The following STAC variants were observed in gnomAD, a reference collection of about 807,000 sequenced individuals.
STAC encodes the protein SH3 and cysteine-rich domain-containing protein.
Under a neutral mutation model 48.8 loss-of-function variants are expected in STAC, and 43 were observed. The observed-to-expected ratio is 0.88, with a 90% CI of 0.69 to 1.14. The LOEUF (loss-of-function observed/expected upper bound fraction) is 1.14. Among genes scored for constraint, STAC ranks in the 50% most tolerant of loss-of-function variants. The probability of loss-of-function intolerance (pLI) is 0.00; values close to 1 mark genes in which losing one functional copy is unlikely to be tolerated. For missense variants in STAC, 497 were observed against 504.0 expected, an observed-to-expected ratio of 0.99 and a Z score of 0.13; for synonymous variants, 193 against 179.5, an observed-to-expected ratio of 1.07 and a Z score of -0.60.
chr3:36,521,801 C>T (rs4678533), intron 8 of STAC, among the ~76,000 whole-genome samples: 63,675 of 152,042 alleles, frequency 0.42, 13,564 homozygotes, highest in Admixed American at 0.5. Context: ...GTGATAAAGA[C>T]TTAACTTTGA....
intron 2 of STAC, among the ~76,000 whole-genome samples, chr3:36,463,006 G>GA (rs561690720): frequency 5.1e-4 from 78 of 151,580 alleles, no homozygotes; most frequent in African/African-American, 1.5e-3. Flanking sequence ...GCATTCCTGG[G>GA]AAAAAAAACC....
intron 1 of STAC, among the ~76,000 whole-genome samples, chr3:36,402,991 A>G (rs997579759): frequency 1.3e-5 from 2 of 152,232 alleles, no homozygotes; most frequent in African/African-American, 4.8e-5. Context: ...CAAACCAAAC[A>G]GCTAACCCAG....
chr3:36,459,569 GTCTC>G (rs1356799378), intron 2 of STAC, among the ~76,000 whole-genome samples: 2 of 152,270 alleles, frequency 1.3e-5, no homozygotes, highest in South Asian at 2.1e-4. Flanking sequence ...CTTAACCATT[GTCTC>G]TCTTTTAATG....
Position 36,546,493 on chromosome 3 carries a change from G to C in STAC, c.*204G>C. 1 of 576,036 alleles carries C rather than the reference G, an allele frequency of 1.7e-6. No individual in the cohort carries two copies. The highest frequency in any genetic ancestry group is 3.1e-6 in the Non-Finnish European group (1 of 324,298). The allele number at this position is 576,036 out of a possible 1,614,324, so 35.7% of individuals were successfully genotyped here. On this transcript the variant is annotated 3_prime_UTR_variant, in exon 11 of 11. Transcript: ENST00000273183. ...CAGCATATCCAGGCTGCCACAGGTG[G>C]GGACGAGGCTGAGAGAGTCAGCAGG...
chr3:36,447,396 A>G (rs1696537931), intron 2 of STAC, among the ~76,000 whole-genome samples: 3 of 152,046 alleles, frequency 2.0e-5, no homozygotes, highest in Admixed American at 2.0e-4. Flanking sequence ...AGTATAAAAC[A>G]CTCCCCACTA....
At chr3:36,458,515 G>T (rs1033371694) in intron 2 of STAC, among the ~76,000 whole-genome samples, 5 of 152,124 alleles carry the variant, frequency 3.3e-5, no homozygotes, top group African/African-American at 1.2e-4. Context: ...TTCCCAGCGT[G>T]GTGTGACAAG....
chr3:36,391,798 T>C (rs1380787277), intron 1 of STAC, among the ~76,000 whole-genome samples: 19 of 152,208 alleles, frequency 1.2e-4, no homozygotes, highest in Admixed American at 1.2e-3. Context: ...ATGAAACATA[T>C]ACCTGTTGCC....
Position 36,414,991 on chromosome 3 carries a change from C to T in STAC, c.112-28373C>T, listed in dbSNP as rs181279324. Among the ~76,000 whole-genome samples, 40 of 152,326 alleles carry T rather than the reference C, an allele frequency of 2.6e-4. No individual in the cohort carries two copies. The East Asian group carries it at 7.3e-3, about 28-fold the overall frequency. On this transcript the variant is annotated intron_variant, in intron 1 of 10. Transcript: ENST00000273183. ...GGAGGCTGCAGAACAGCGAATATTG[C>T]TGAACAGCAAATGTTGCTGTCTGAT...
chr3:36,489,048 T>G (rs1697895875), intron 5 of STAC, among the ~76,000 whole-genome samples: 1 of 152,164 alleles, frequency 6.6e-6, no homozygotes, highest in African/African-American at 2.4e-5. Context: ...CCACTCTATT[T>G]TTATACAAAC....
At chr3:36,501,047 G>T (rs961502405) in intron 6 of STAC, among the ~76,000 whole-genome samples, 2 of 152,126 alleles carry the variant, frequency 1.3e-5, no homozygotes, top group Admixed American at 6.6e-5. Flanking sequence ...AGCTATAATT[G>T]TGCCACTGCT....
At chr3:36,404,269 A>G (rs904141730) in intron 1 of STAC, among the ~76,000 whole-genome samples, 6 of 152,214 alleles carry the variant, frequency 3.9e-5, no homozygotes, top group Admixed American at 3.9e-4. Context: ...TATACCAACA[A>G]GTCTTTTTTA....
chr3:36,511,223 T>C (rs1698530378), intron 8 of STAC, among the ~76,000 whole-genome samples: 1 of 152,168 alleles, frequency 6.6e-6, no homozygotes, highest in African/African-American at 2.4e-5. Context: ...TTTATAAACA[T>C]CTCATTTCTC....
intron 8 of STAC, among the ~76,000 whole-genome samples, chr3:36,524,929 T>C (rs1698897188): frequency 1.3e-5 from 2 of 152,226 alleles, no homozygotes; most frequent in Admixed American, 6.5e-5. Flanking sequence ...TTAGAGCGTT[T>C]GGCTAATCTC....
intron 1 of STAC, among the ~76,000 whole-genome samples, chr3:36,398,416 G>T (rs1699916268): frequency 1.7e-3 from 4 of 2,330 alleles, no homozygotes; most frequent in Non-Finnish European, 3.8e-3. Context: ...AAGAGAGAGG[G>T]AAGGAAGGAA....
At chr3:36,454,748 T>A (rs551392215) in intron 2 of STAC, among the ~76,000 whole-genome samples, 59 of 152,146 alleles carry the variant, frequency 3.9e-4, no homozygotes, top group African/African-American at 1.4e-3. Flanking sequence ...GAAAAAAAAA[T>A]ACAGAACTTC....
intron 2 of STAC, among the ~76,000 whole-genome samples, chr3:36,458,345 A>C (rs565460424): frequency 3.9e-5 from 6 of 152,236 alleles, no homozygotes; most frequent in East Asian, 1.9e-4. Flanking sequence ...GAGATATCTA[A>C]AGTTTAGGGG....
chr3:36,393,702 T>C (rs114885120), intron 1 of STAC, among the ~76,000 whole-genome samples: 2,515 of 148,664 alleles, frequency 0.017, 29 homozygotes, highest in South Asian at 0.031. Context: ...TGTGAGCGTG[T>C]AGCAGAAAGC....
intron 1 of STAC, among the ~76,000 whole-genome samples, chr3:36,436,943 A>ACCC (rs534010328): frequency 0.013 from 1,930 of 151,740 alleles, 90 homozygotes; most frequent in Admixed American, 0.092. Context: ...AAAACAAACA[A>ACCC]CCCCATCAAA....
intron 1 of STAC, among the ~76,000 whole-genome samples, chr3:36,429,670 C>G (rs1294327254): frequency 6.6e-6 from 1 of 152,154 alleles, no homozygotes; most frequent in Non-Finnish European, 1.5e-5. Context: ...AGTATGTGCC[C>G]CCACTTCTCC....
Sources: allele counts gnomAD v4.1 joint callset (sites outside exome capture counted in the v4.1 genomes callset), GRCh38; gene constraint gnomAD v4.1.1; transcripts MANE v1.5; gene names NCBI Gene and HGNC (gene_info 2026-07-23, HGNC 2026-07-21).